CD82: variants seen among roughly 807,000 people sequenced by gnomAD.
CD82 encodes the protein CD82 antigen.
A neutral mutation model predicts 37.4 loss-of-function variants in CD82; 36 were observed. That is an observed-to-expected ratio of 0.96 (90% CI 0.74 to 1.27). The LOEUF is 1.27. CD82 is among the 50% of genes most tolerant of loss of function. The probability of loss-of-function intolerance (pLI) is 0.00; values close to 1 mark genes in which losing one functional copy is unlikely to be tolerated. For synonymous variants in CD82, 158 were observed against 137.4 expected, an observed-to-expected ratio of 1.15 and a Z score of -1.05; for missense variants, 340 against 347.0, an observed-to-expected ratio of 0.98 and a Z score of 0.16.
At position 44,565,690 on chromosome 11, in the gene CD82, C is replaced by G. The variant is rs958459619; in HGVS notation, c.-149C>G. 6.6e-6 allele frequency: 1 copy of G among 152,016 alleles called. No individual in the cohort carries two copies. The highest frequency in any genetic ancestry group is 1.5e-5 in the Non-Finnish European group (1 of 67,946). The allele number at this position is 152,016 out of a possible 1,614,324, so 9.4% of individuals were successfully genotyped here. ...AGTCCGACGCCGACTGAGGCACGAG[C>G]GGGTGACGCTGGGCCTGCAGCGCGG... On this transcript the variant is annotated 5_prime_UTR_variant, in exon 1 of 10. Transcript: ENST00000227155.
intron 1 of CD82, among the ~76,000 whole-genome samples, chr11:44,568,084 TG>T (rs1203437892): frequency 1.3e-5 from 2 of 152,150 alleles, no homozygotes; most frequent in Non-Finnish European, 2.9e-5. Context: ...TTGCAGAAAG[TG>T]GGAGCCACTG....
intron 6 of CD82, among the ~76,000 whole-genome samples, chr11:44,610,243 G>A (rs1045569648): frequency 5.9e-5 from 9 of 152,184 alleles, no homozygotes; most frequent in Non-Finnish European, 1.0e-4. Context: ...TGTGTCCTTC[G>A]AGAGAGGGAT....
In CD82 at chr11:44,605,292, C is replaced by T. The variant is rs913479917; in HGVS notation, c.262-63C>T. On this transcript the variant is annotated intron_variant, in intron 5 of 9. Transcript: ENST00000227155. ...CGGGTGGAGAGCATCTCTCGGGGCA[C>T]GCAGGCTGGGTGCACCTGGTCGGGG... The T allele has an allele frequency of 1.6e-5, 25 of 1,610,852 alleles. No homozygotes were observed. In the Middle Eastern group the frequency reaches 6.6e-4, roughly 43 times the overall value.
chr11:44,616,573 C>T (rs766137481), intron 7 of CD82, among the ~76,000 whole-genome samples: 5 of 152,190 alleles, frequency 3.3e-5, no homozygotes, highest in Non-Finnish European at 5.9e-5. Context: ...GTAAGTCAGA[C>T]TCCCAAGGCC....
At chr11:44,616,149 G>A (rs1366019654) in intron 7 of CD82, among the ~76,000 whole-genome samples, 1 of 152,030 alleles carries the variant, frequency 6.6e-6, no homozygotes, top group African/African-American at 2.4e-5. Flanking sequence ...GAGGGATGTG[G>A]AGTACAAAGG....
chr11:44,619,356 C>G lies in CD82; in HGVS notation c.*230C>G, dbSNP rs1853623797. 1.1e-5 allele frequency: 6 copies of G among 557,100 alleles called. No homozygotes were observed. The South Asian group carries it at 1.3e-4, about 12-fold the overall frequency. The allele number at this position is 557,100 out of a possible 1,614,324, so 34.5% of individuals were successfully genotyped here. On this transcript the variant is annotated 3_prime_UTR_variant, in exon 10 of 10. Coordinates refer to ENST00000227155, the MANE Select transcript of CD82 (RefSeq NM_002231.4). Reference sequence around the variant, plus strand: ...CCTCTGCTCACCGCCCATCAGGGTTCTCTTAGCAACTCAGAGAAAAATGCT... The same window carrying G: ...CCTCTGCTCACCGCCCATCAGGGTTGTCTTAGCAACTCAGAGAAAAATGCT...
intron 3 of CD82, among the ~76,000 whole-genome samples, chr11:44,596,443 A>G (rs1270469326): frequency 1.3e-5 from 2 of 152,152 alleles, no homozygotes; most frequent in East Asian, 3.9e-4. Flanking sequence ...TGATAAAGAA[A>G]CTTTCCTTCA....
intron 4 of CD82, among the ~76,000 whole-genome samples, chr11:44,601,319 A>G (rs1853305533): frequency 6.6e-6 from 1 of 151,014 alleles, no homozygotes; most frequent in Non-Finnish European, 1.5e-5. Flanking sequence ...CCTCCCCTCC[A>G]GGAGATGGAA....
At chr11:44,618,099 C>A in intron 7 of CD82, 63 bp from the exon 8 acceptor site, 1 of 1,502,562 alleles carries the variant, frequency 6.7e-7, no homozygotes, top group South Asian at 1.2e-5. Flanking sequence ...CTCCCTCTGC[C>A]AGGAGGGCAG....
intron 7 of CD82, among the ~76,000 whole-genome samples, chr11:44,615,859 T>A (rs1853556472): frequency 6.6e-6 from 1 of 152,182 alleles, no homozygotes; most frequent in Non-Finnish European, 1.5e-5. Flanking sequence ...CCAAGCTGAA[T>A]GTGTGCCCAT....
rs1853374008 is a variant in CD82 at position 44,605,181 on chromosome 11, T to G, written c.260T>G (p.Leu87Arg). ...AVNEVRCLLGLYFAFLLLILI... is the reference protein window; with the variant it reads ...AVNEVRCLLGRYFAFLLLILI... ...AACGAGGTCCGCTGCCTGCTGGGGC[T>G]GGTGAGTACGGATCCCTCCGCAGCT... The change falls in exon 5 of 10, where the codon CTG becomes CGG. Residue 87 changes from leucine (L) to arginine (R), a missense_variant and splice_region_variant. Leu to Arg is a moderately radical substitution (Grantham distance 102). Transcript: ENST00000227155. The G allele has an allele frequency of 3.1e-6, 5 of 1,613,754 alleles. No individual in the cohort carries two copies. Among genetic ancestry groups the G allele is most frequent in the Non-Finnish European group, 4.2e-6 (5 of 1,179,936 alleles).
At chr11:44,614,665 T>G (rs1590351077) in intron 6 of CD82, among the ~76,000 whole-genome samples, 3 of 144,110 alleles carry the variant, frequency 2.1e-5, no homozygotes, top group Admixed American at 7.0e-5. Context: ...CGGGGAGGGG[T>G]GGTTGATTGG....
At chr11:44,568,459 GA>G (rs1852768325) in intron 1 of CD82, among the ~76,000 whole-genome samples, 2 of 151,386 alleles carry the variant, frequency 1.3e-5, no homozygotes, top group Non-Finnish European at 2.9e-5. Flanking sequence ...GTTTGCCCAT[GA>G]AGGGGAGGCA....
chr11:44,565,368 G>A (rs1852714566), upstream of CD82, among the ~76,000 whole-genome samples: 1 of 152,326 alleles, frequency 6.6e-6, no homozygotes, highest in East Asian at 1.9e-4. Flanking sequence ...AGTGGACAGG[G>A]CTGGAGCGGG....
Position 44,600,201 on chromosome 11 carries a change from C to A in CD82, c.107C>A (p.Ala36Asp). Residue 36 changes from alanine (A) to aspartate (D), a missense_variant, in exon 4 of 10, where the codon GCC (alanine) becomes GAC (aspartate). Coordinates refer to ENST00000227155, the MANE Select transcript of CD82 (RefSeq NM_002231.4). The part of the protein sequence containing the change: ...VILGFGVWIL[A>D]DKSSFISVLQ... ...CTGGGCTTCGGGGTGTGGATCCTGG[C>A]CGACAAGAGCAGTTTCATCTCTGTC... 6.2e-7 allele frequency: 1 copy of A among 1,614,014 alleles called. No homozygotes were observed.
intron 6 of CD82, among the ~76,000 whole-genome samples, chr11:44,609,296 C>G (rs965854432): frequency 2.0e-5 from 3 of 152,216 alleles, no homozygotes; most frequent in African/African-American, 7.2e-5. Context: ...GACTTGTTCT[C>G]TCTAGAGAGT....
intron 4 of CD82, chr11:44,604,430 G>A (rs144878633): frequency 1.7e-3 from 271 of 158,098 alleles, no homozygotes; most frequent in African/African-American, 6.3e-3. Context: ...TCTGTGAAAT[G>A]GCCATGCTAG....
At chr11:44,594,963 A>C in intron 3 of CD82, 2 of 544,926 alleles carry the variant, frequency 3.7e-6, no homozygotes, top group Non-Finnish European at 6.7e-6. Context: ...CCTCTCCTAG[A>C]TCACCCAAAG....
chr11:44,584,162 G>A (rs1853020259), intron 1 of CD82, among the ~76,000 whole-genome samples: 1 of 152,190 alleles, frequency 6.6e-6, no homozygotes, highest in South Asian at 2.1e-4. Flanking sequence ...CCCATGAGAT[G>A]GGGATCCCAC....
Sources: gnomAD v4.1 joint callset for allele counts (sites outside exome capture counted in the v4.1 genomes callset) on GRCh38, gnomAD v4.1.1 for gene constraint, MANE v1.5 for transcripts, NCBI Gene and HGNC (gene_info 2026-07-23, HGNC 2026-07-21) for gene names.